PHF20: variants seen among roughly 807,000 people sequenced by gnomAD.
PHF20 encodes glioma-expressed antigen 2.
PHF20 carries 23 observed loss-of-function variants against 113.5 expected under a neutral mutation model. The ratio of observed to expected loss-of-function variants is 0.20; its 90% confidence interval spans 0.15 to 0.29. PHF20 has a LOEUF of 0.29. PHF20 is among the 10% of genes least tolerant of loss of function. The pLI is 1.00. For synonymous variants in PHF20, 434 were observed against 457.3 expected (o/e 0.95, Z 0.65); for missense variants, 943 against 1,219.6 (o/e 0.77, Z 3.38).
intron 1 of PHF20, among the ~76,000 whole-genome samples, chr20:35,791,561 ATC>A (rs1555916038): frequency 2.8e-5 from 4 of 144,470 alleles, no homozygotes; most frequent in Admixed American, 7.0e-5. Flanking sequence ...ATATATATAT[ATC>A]TTAGAATTGT....
At chr20:35,845,225 A>G (rs186540776) in intron 3 of PHF20, among the ~76,000 whole-genome samples, 1 of 151,300 alleles carries the variant, frequency 6.6e-6, no homozygotes, top group Non-Finnish European at 1.5e-5. Flanking sequence ...TCCTGTAATA[A>G]CAGTTTGTTT....
chr20:35,945,507 G>A (rs1342488480), intron 17 of PHF20, among the ~76,000 whole-genome samples: 3 of 152,174 alleles, frequency 2.0e-5, no homozygotes, highest in African/African-American at 4.8e-5. Context: ...GGAGAGGAAG[G>A]TAGGGCTGCA....
At chr20:35,779,081 G>GC (rs952805554) in intron 1 of PHF20, among the ~76,000 whole-genome samples, 1 of 151,678 alleles carries the variant, frequency 6.6e-6, no homozygotes, top group Non-Finnish European at 1.5e-5. Context: ...CGTTGCCCAG[G>GC]CTAGAGTACA....
intron 2 of PHF20, among the ~76,000 whole-genome samples, chr20:35,810,477 C>A (rs1465986876): frequency 6.6e-6 from 1 of 152,124 alleles, no homozygotes; most frequent in East Asian, 1.9e-4. Context: ...CCATTCTGAA[C>A]CCATAAAAGC....
chr20:35,788,299 T>C (rs2041466512), intron 1 of PHF20, among the ~76,000 whole-genome samples: 2 of 151,734 alleles, frequency 1.3e-5, no homozygotes, highest in African/African-American at 4.8e-5. Flanking sequence ...GGTTTCCTCA[T>C]GTTAGCCAGG....
At position 35,827,444 on chromosome 20, in the gene PHF20, G is replaced by A. The variant is rs774347373; in HGVS notation, c.84-15129G>A. Among the ~76,000 whole-genome samples, 17 of 152,346 alleles carry A rather than the reference G, an allele frequency of 1.1e-4. No homozygotes were observed. In the South Asian group the frequency reaches 2.3e-3, roughly 20 times the overall value. ...TGGCTAAGACAAAAGACACCCATGT[G>A]GATGTGGTGACTGCAGGAATGTTTA... On this transcript the variant is annotated intron_variant, in intron 2 of 17. Coordinates refer to ENST00000374012, the MANE Select transcript of PHF20 (RefSeq NM_016436.5).
At chr20:35,882,244 G>A (rs368433754) in intron 9 of PHF20, among the ~76,000 whole-genome samples, 2 of 152,266 alleles carry the variant, frequency 1.3e-5, no homozygotes, top group South Asian at 2.1e-4. Flanking sequence ...TATTACACTT[G>A]TGAAATTCTC....
intron 1 of PHF20, among the ~76,000 whole-genome samples, chr20:35,794,821 C>T (rs1181478818): frequency 6.6e-6 from 1 of 152,116 alleles, no homozygotes; most frequent in Non-Finnish European, 1.5e-5. Flanking sequence ...TTCCAGTTAC[C>T]ATAGCGACAG....
At chr20:35,827,783 A>AG (rs1223913146) in intron 2 of PHF20, among the ~76,000 whole-genome samples, 1 of 141,734 alleles carries the variant, frequency 7.1e-6, no homozygotes, top group Non-Finnish European at 1.5e-5. Context: ...ACTCCATCTC[A>AG]GAAAAAAAAA....
chr20:35,825,887 T>A (rs144421994), intron 2 of PHF20, among the ~76,000 whole-genome samples: 2 of 152,276 alleles, frequency 1.3e-5, no homozygotes, highest in African/African-American at 2.4e-5. Flanking sequence ...AAACCCTAAA[T>A]GTGTAGCTTG....
rs139871012 is a variant in PHF20, at chr20:35,837,015, C to T, written c.84-5558C>T. ...CAAAACCCCGTTTCTACAAAAAATA[C>T]CAAAAAAGTATCTTAGCCGAGCATG... On this transcript the variant is annotated intron_variant, in intron 2 of 17. Coordinates refer to ENST00000374012, the MANE Select transcript of PHF20 (RefSeq NM_016436.5). Among the ~76,000 whole-genome samples, 805 of 151,458 alleles carry T rather than the reference C, an allele frequency of 5.3e-3. 9 individuals carry two copies. Among genetic ancestry groups the T allele is most frequent in the African/African-American group, 0.019 (772 of 41,238 alleles).
chr20:35,781,011 G>A (rs974698576), intron 1 of PHF20, among the ~76,000 whole-genome samples: 9 of 150,446 alleles, frequency 6.0e-5, no homozygotes, highest in African/African-American at 2.0e-4. Flanking sequence ...GTGCCAACAC[G>A]CCTGGCTAAT....
Position 35,947,699 on chromosome 20 carries a change from A to G in PHF20, c.*72A>G. The G allele has an allele frequency of 6.7e-7, 1 of 1,487,014 alleles. No homozygotes were observed. Among genetic ancestry groups the G allele is most frequent in the Non-Finnish European group, 9.3e-7 (1 of 1,077,774 alleles). 92.1% of individuals were successfully genotyped at this position (1,487,014 alleles called of 1,614,324 possible). ...AGGAGGAGCTTCGCATATTTAAATAAATAAACCTAGCATGCTGAATGCACG... is the reference window on the plus strand; with the variant it reads ...AGGAGGAGCTTCGCATATTTAAATAGATAAACCTAGCATGCTGAATGCACG... On this transcript the variant is annotated 3_prime_UTR_variant, in exon 18 of 18. Coordinates refer to ENST00000374012, the MANE Select transcript of PHF20 (RefSeq NM_016436.5).
chr20:35,809,447 T>C (rs1347329805), intron 2 of PHF20, among the ~76,000 whole-genome samples: 1 of 151,482 alleles, frequency 6.6e-6, no homozygotes, highest in African/African-American at 2.4e-5. Context: ...GACATGGTGG[T>C]GTGCGCCTGT....
At chr20:35,779,972 C>G (rs563278041) in intron 1 of PHF20, among the ~76,000 whole-genome samples, 4 of 152,240 alleles carry the variant, frequency 2.6e-5, no homozygotes, top group Non-Finnish European at 4.4e-5. Context: ...TACATCTGAC[C>G]TATTATCCTG....
In PHF20 at chr20:35,943,059, A is replaced by G. The variant is rs188335077; in HGVS notation, c.2896+2012A>G. Among the ~76,000 whole-genome samples the G allele has an allele frequency of 1.7e-3, 260 of 152,242 alleles. 1 individual carries two copies. In the East Asian group the frequency reaches 0.018, roughly 10 times the overall value. On this transcript the variant is annotated intron_variant, in intron 17 of 17. Transcript: ENST00000374012. ...AGGATGGTCTCGATCTCCTGACCTC[A>G]TGATCCGCCCACCTTGGCCTCCCAA...
intron 10 of PHF20, among the ~76,000 whole-genome samples, chr20:35,904,799 T>TTCCTTCCTTCCTTCCTTCCC (rs1568740695): frequency 1.3e-5 from 2 of 150,782 alleles, no homozygotes; most frequent in Admixed American, 6.6e-5. Flanking sequence ...CCTTCCTTCC[T>TTCCTTCCTTCCTTCCTTCCC]TCCTTTCTTT....
intron 2 of PHF20, among the ~76,000 whole-genome samples, chr20:35,804,227 A>ATT (rs1192121403): frequency 1.7e-5 from 2 of 116,762 alleles, no homozygotes; most frequent in Non-Finnish European, 3.5e-5. Flanking sequence ...AAGCTACTGT[A>ATT]TGTTTTTTTT....
intron 6 of PHF20, among the ~76,000 whole-genome samples, chr20:35,864,070 C>T (rs920504464): frequency 1.3e-5 from 2 of 152,132 alleles, no homozygotes; most frequent in Admixed American, 6.6e-5. Context: ...CACTCGTTCT[C>T]CAAATCAATT....
Sources: gnomAD v4.1 joint callset for allele counts (sites outside exome capture counted in the v4.1 genomes callset) on GRCh38, gnomAD v4.1.1 for gene constraint, MANE v1.5 for transcripts, NCBI Gene and HGNC (gene_info 2026-07-23, HGNC 2026-07-21) for gene names.